The following ATXN7L1 variants were observed in gnomAD, a reference collection of about 807,000 sequenced individuals.
The protein encoded by ATXN7L1 is ataxin-7-like protein 1.
In ATXN7L1, 15 loss-of-function variants were observed where a neutral mutation model predicts 70.8. The observed-to-expected ratio is 0.21, with a 90% CI of 0.14 to 0.33. ATXN7L1 has a LOEUF of 0.33. Among genes scored for constraint, ATXN7L1 ranks in the 10% least tolerant of loss-of-function variants. The pLI is 1.00. For synonymous variants in ATXN7L1, 440 were observed against 445.1 expected, an observed-to-expected ratio of 0.99 and a Z score of 0.14; for missense variants, 975 against 1,097.1, an observed-to-expected ratio of 0.89 and a Z score of 1.57.
chr7:105,625,204 T>C (rs914455147), intron 7 of ATXN7L1, among the ~76,000 whole-genome samples: 2 of 152,226 alleles, frequency 1.3e-5, no homozygotes, highest in African/African-American at 4.8e-5. Flanking sequence ...TATTAAGTTG[T>C]AGTTTAATTG....
rs1364970319 is a variant in ATXN7L1 at position 105,809,178 on chromosome 7, TA to T, written c.251-20471del. On this transcript the variant is annotated intron_variant, in intron 2 of 11. Transcript: ENST00000419735. ...CCTTTATAAGCTGCGAGCACTTGGG[TA>T]AGTCCCTTAACCTTGAGAAAATTCA... is the stretch of plus-strand genomic sequence containing the variant. 5.9e-5 allele frequency among the ~76,000 whole-genome samples: 9 copies of T among 152,368 alleles called. No individual in the cohort carries two copies. The East Asian group carries it at 1.7e-3, about 29-fold the overall frequency.
intron 2 of ATXN7L1, among the ~76,000 whole-genome samples, chr7:105,805,886 G>T (rs997891311): frequency 1.3e-5 from 2 of 152,130 alleles, no homozygotes; most frequent in Non-Finnish European, 2.9e-5. Flanking sequence ...CCAGAGAGGT[G>T]CGAGGCAGAG....
At chr7:105,735,607 A>G (rs887651201) in intron 3 of ATXN7L1, among the ~76,000 whole-genome samples, 4 of 152,148 alleles carry the variant, frequency 2.6e-5, no homozygotes, top group African/African-American at 9.7e-5. Context: ...TAGGCCTACT[A>G]CCCAGTTTCA....
At chr7:105,864,718 C>T (rs1817157493) in intron 2 of ATXN7L1, among the ~76,000 whole-genome samples, 1 of 151,838 alleles carries the variant, frequency 6.6e-6, no homozygotes, top group Non-Finnish European at 1.5e-5. Context: ...ACTGCAACCT[C>T]CGCCTCCCGA....
At chr7:105,756,879 G>A (rs1354113442) in intron 3 of ATXN7L1, among the ~76,000 whole-genome samples, 1 of 151,978 alleles carries the variant, frequency 6.6e-6, no homozygotes, top group Non-Finnish European at 1.5e-5. Flanking sequence ...CCTACATGAT[G>A]GACAAAATAA....
chr7:105,746,455 G>A (rs1798600537), intron 3 of ATXN7L1, among the ~76,000 whole-genome samples: 1 of 152,198 alleles, frequency 6.6e-6, no homozygotes, highest in South Asian at 2.1e-4. Flanking sequence ...GGGCATGAGA[G>A]CCTGGCATGT....
At chr7:105,771,342 G>A in intron 3 of ATXN7L1, among the ~76,000 whole-genome samples, 1 of 152,138 alleles carries the variant, frequency 6.6e-6, no homozygotes, top group Admixed American at 6.5e-5. Context: ...GGAAGCAGGT[G>A]TCAAGCAGGG....
intron 3 of ATXN7L1, among the ~76,000 whole-genome samples, chr7:105,696,622 G>A (rs1022070069): frequency 1.3e-5 from 2 of 152,172 alleles, no homozygotes; most frequent in African/African-American, 4.8e-5. Flanking sequence ...ATTAAAATGC[G>A]CTAATGGAGA....
intron 3 of ATXN7L1, among the ~76,000 whole-genome samples, chr7:105,702,559 CACACAGACACACAT>C (rs1792586239): frequency 6.6e-6 from 1 of 150,680 alleles, no homozygotes; most frequent in African/African-American, 2.5e-5. Flanking sequence ...CACACACACA[CACACAGACACACAT>C]ACACACACAC....
At chr7:105,836,698 T>C (rs913276939) in intron 2 of ATXN7L1, among the ~76,000 whole-genome samples, 3 of 152,202 alleles carry the variant, frequency 2.0e-5, no homozygotes, top group Admixed American at 1.3e-4. Flanking sequence ...TGAAATCATC[T>C]TGAAAGCAGT....
At chr7:105,778,024 T>G (rs573613925) in intron 3 of ATXN7L1, among the ~76,000 whole-genome samples, 2 of 152,344 alleles carry the variant, frequency 1.3e-5, no homozygotes, top group African/African-American at 4.8e-5. Flanking sequence ...AGCCAGGCCC[T>G]TATTTGTCTT....
At chr7:105,724,678 C>T (rs576389777) in intron 3 of ATXN7L1, among the ~76,000 whole-genome samples, 34 of 150,982 alleles carry the variant, frequency 2.3e-4, no homozygotes, top group Middle Eastern at 6.9e-3. Context: ...CACCTGAGGT[C>T]TGCCTCTCTC....
intron 3 of ATXN7L1, among the ~76,000 whole-genome samples, chr7:105,687,330 T>A (rs1382382949): frequency 6.6e-6 from 1 of 152,222 alleles, no homozygotes; most frequent in Non-Finnish European, 1.5e-5. Flanking sequence ...CATATGTTGA[T>A]GTCTTAATCC....
intron 4 of ATXN7L1, among the ~76,000 whole-genome samples, chr7:105,644,532 A>G (rs1798711569): frequency 6.6e-6 from 1 of 152,222 alleles, no homozygotes; most frequent in African/African-American, 2.4e-5. Flanking sequence ...GTCCCTGATC[A>G]GAGTGTCTCA....
At chr7:105,756,458 T>C (rs1042115409) in intron 3 of ATXN7L1, among the ~76,000 whole-genome samples, 2 of 152,242 alleles carry the variant, frequency 1.3e-5, no homozygotes, top group African/African-American at 2.4e-5. Context: ...CCTTTCAATA[T>C]AGTTTGCTTT....
In ATXN7L1 at chr7:105,614,546, T is replaced by C. The variant is rs1793576632; in HGVS notation, c.1788A>G (p.Ser596=). 6.5e-7 allele frequency: 1 copy of C among 1,543,058 alleles called. No individual in the cohort carries two copies. The highest frequency in any genetic ancestry group is 1.4e-5 in the African/African-American group (1 of 72,846). Residue 596 remains serine (S), a synonymous_variant, in exon 10 of 12, where the codon TCA becomes TCG. Transcript: ENST00000419735. This position sits in a 1 kb window ranked among gnomAD's most constrained non-coding sequence, Gnocchi z 4.3. ...ACACGGCGGATGGGGCCTTGAAGGT[T>C]GAGTCCATGATGCTGAGGGTTGCGG... is the stretch of plus-strand genomic sequence containing the variant. ...HVAATLSIMD[S]TFKAPSAVSP...
At chr7:105,834,044 ATTAT>A (rs1812019721) in intron 2 of ATXN7L1, among the ~76,000 whole-genome samples, 2 of 151,970 alleles carry the variant, frequency 1.3e-5, no homozygotes, top group Non-Finnish European at 1.5e-5. Flanking sequence ...TGTTTTGTTT[ATTAT>A]TTATTTATTT....
chr7:105,607,720 G>T lies in ATXN7L1; in HGVS notation c.*132C>A. ...GGTCAATTAAAAAAAGAAGAAGAAAGGCCAGAGTCACAGGGAGTGCACAGA... is the reference window on the plus strand; with the variant it reads ...GGTCAATTAAAAAAAGAAGAAGAAATGCCAGAGTCACAGGGAGTGCACAGA... On this transcript the variant is annotated 3_prime_UTR_variant, in exon 12 of 12. Coordinates refer to ENST00000419735, the MANE Select transcript of ATXN7L1 (RefSeq NM_020725.2). The T allele has an allele frequency of 1.5e-6, 1 of 686,002 alleles. No individual in the cohort carries two copies. The highest frequency in any genetic ancestry group is 2.4e-6 in the Non-Finnish European group (1 of 414,690). The allele number at this position is 686,002 out of a possible 1,614,324, so 42.5% of individuals were successfully genotyped here.
chr7:105,861,900 A>G (rs1816696622), intron 2 of ATXN7L1, among the ~76,000 whole-genome samples: 1 of 152,144 alleles, frequency 6.6e-6, no homozygotes, highest in African/African-American at 2.4e-5. Context: ...CTCTGTTTAA[A>G]CCTGGCTTGT....
Sources: gnomAD v4.1 joint callset for allele counts (sites outside exome capture counted in the v4.1 genomes callset) on GRCh38, gnomAD v4.1.1 for gene constraint, Gnocchi (gnomAD v3.1) non-coding constraint, MANE v1.5 for transcripts, NCBI Gene and HGNC (gene_info 2026-07-23, HGNC 2026-07-21) for gene names.